LRBA: variants seen among roughly 807,000 people sequenced by gnomAD.
The protein encoded by LRBA is lipopolysaccharide-responsive and beige-like anchor protein.
In LRBA, 176 loss-of-function variants were observed where a neutral mutation model predicts 330.0. The ratio of observed to expected loss-of-function variants is 0.53; its 90% CI spans 0.47 to 0.60. The LOEUF (loss-of-function observed/expected upper bound fraction) is 0.60. LRBA is among the 20% of genes least tolerant of loss of function. LRBA has a pLI of 0.00. For missense variants in LRBA, 3,259 were observed against 3,444.8 expected (o/e 0.95, Z 1.35); for synonymous variants, 1,230 against 1,193.0 (o/e 1.03, Z -0.64).
intron 47 of LRBA, among the ~76,000 whole-genome samples, chr4:150,402,268 CAAA>C (rs72235117): frequency 7.3e-6 from 1 of 137,584 alleles, no homozygotes; most frequent in African/African-American, 2.8e-5. Flanking sequence ...AGCAGTAGAC[CAAA>C]AAAAAAAAAG....
At chr4:150,978,981 GATA>G (rs1740533326) in intron 2 of LRBA, among the ~76,000 whole-genome samples, 1 of 152,110 alleles carries the variant, frequency 6.6e-6, no homozygotes, top group Non-Finnish European at 1.5e-5. Context: ...TATTCAAAGG[GATA>G]ATAACAGAGA....
chr4:150,868,251 C>A lies in LRBA; in HGVS notation c.2504G>T (p.Ser835Ile). ...AAGAAAGGCTCTGCGAACCTCCATGCTCTCTGGGCACTGGGGAGAATTTCG... is the reference window on the plus strand; with the variant it reads ...AAGAAAGGCTCTGCGAACCTCCATGATCTCTGGGCACTGGGGAGAATTTCG... ...LLRNSPQCPESMEVRRAFLSD... is the reference protein window; with the variant it reads ...LLRNSPQCPEIMEVRRAFLSD... Residue 835 changes from serine (S) to isoleucine (I), a missense_variant, in exon 21 of 57, where the codon AGC becomes ATC. Physicochemically the swap from Ser to Ile is moderately radical, Grantham distance 142. Coordinates refer to ENST00000651943, the MANE Select transcript of LRBA (RefSeq NM_001364905.1). The A allele has an allele frequency of 1.2e-6, 2 of 1,612,380 alleles. No individual in the cohort carries two copies. Among genetic ancestry groups the A allele is most frequent in the Admixed American group, 1.7e-5 (1 of 59,988 alleles).
intron 37 of LRBA, among the ~76,000 whole-genome samples, chr4:150,641,587 T>C (rs1252466494): frequency 6.6e-6 from 1 of 152,016 alleles, no homozygotes; most frequent in Non-Finnish European, 1.5e-5. Context: ...GCCTATTTTC[T>C]TTTTTTTCTT....
chr4:150,482,251 T>C (rs906336765), intron 42 of LRBA, among the ~76,000 whole-genome samples: 1 of 152,128 alleles, frequency 6.6e-6, no homozygotes, highest in African/African-American at 2.4e-5. Context: ...CTAACAGCTA[T>C]GCTTTTTCCA....
Position 150,996,486 on chromosome 4 carries a change from C to A in LRBA, c.216+17941G>T, listed in dbSNP as rs576670662. On this transcript the variant is annotated intron_variant, in intron 2 of 56. Transcript: ENST00000651943. ...CCTAAATATTAAAGAGTTGGTCATTCCATTTTTTCCTGATTAGCAAAATAA... is the reference window on the plus strand; with the variant it reads ...CCTAAATATTAAAGAGTTGGTCATTACATTTTTTCCTGATTAGCAAAATAA... 2.0e-5 allele frequency among the ~76,000 whole-genome samples: 3 copies of A among 152,174 alleles called. No individual in the cohort carries two copies. The East Asian group carries it at 5.8e-4, about 29-fold the overall frequency.
chr4:150,732,010 T>TA (rs1730521258), intron 36 of LRBA, among the ~76,000 whole-genome samples: 1 of 152,056 alleles, frequency 6.6e-6, no homozygotes, highest in Admixed American at 6.6e-5. Context: ...AAAGAAATAA[T>TA]AAAAAATCAA....
chr4:150,395,883 T>A (rs1744668695), intron 47 of LRBA, among the ~76,000 whole-genome samples: 1 of 152,136 alleles, frequency 6.6e-6, no homozygotes, highest in South Asian at 2.1e-4. Flanking sequence ...AAACCAACAA[T>A]CTTTCAGTAC....
intron 33 of LRBA, among the ~76,000 whole-genome samples, chr4:150,798,365 T>A (rs965325239): frequency 1.3e-5 from 2 of 152,206 alleles, no homozygotes; most frequent in Non-Finnish European, 2.9e-5. Context: ...TACTAAAACA[T>A]TTATTACAAC....
At chr4:150,954,696 T>C (rs1579310764) in intron 2 of LRBA, among the ~76,000 whole-genome samples, 1 of 148,036 alleles carries the variant, frequency 6.8e-6, no homozygotes, top group Non-Finnish European at 1.5e-5. Flanking sequence ...CTGCTGACCT[T>C]CCCTCCACTA....
chr4:150,422,532 C>A lies in LRBA; in HGVS notation c.7042-6942G>T, dbSNP rs183307707. On this transcript the variant is annotated intron_variant, in intron 46 of 56. Coordinates refer to ENST00000651943, the MANE Select transcript of LRBA (RefSeq NM_001364905.1). Reference sequence around the variant, plus strand: ...GGAGATGAACATTATAATACTGGCACTCCTGACCCACACTATCCTCTGCAC... The same window carrying A: ...GGAGATGAACATTATAATACTGGCAATCCTGACCCACACTATCCTCTGCAC... 386 of 433,920 alleles carry A rather than the reference C, an allele frequency of 8.9e-4. 2 individuals carry two copies. The highest frequency in any genetic ancestry group is 7.3e-3 in the African/African-American group (367 of 50,266). 26.9% of individuals were successfully genotyped at this position (433,920 alleles called of 1,614,324 possible). A position where few individuals can be genotyped will look rare whatever the true frequency, so the allele number is the denominator to read the frequency against.
chr4:150,948,867 A>C (rs1736512957), intron 2 of LRBA, among the ~76,000 whole-genome samples: 1 of 151,998 alleles, frequency 6.6e-6, no homozygotes, highest in Admixed American at 6.5e-5. Flanking sequence ...CATTAAAGAA[A>C]TGCAAATTAA....
intron 37 of LRBA, among the ~76,000 whole-genome samples, chr4:150,682,388 T>C (rs1210797587): frequency 6.6e-6 from 1 of 152,166 alleles, no homozygotes; most frequent in East Asian, 1.9e-4. Flanking sequence ...TCAACTGAAA[T>C]AACATTAAAA....
At chr4:150,805,597 A>AG (rs1742650156) in intron 33 of LRBA, among the ~76,000 whole-genome samples, 1 of 135,722 alleles carries the variant, frequency 7.4e-6, no homozygotes, top group Non-Finnish European at 1.5e-5. Flanking sequence ...AAAGGAAAGG[A>AG]AAGGAAAAGA....
intron 2 of LRBA, among the ~76,000 whole-genome samples, chr4:150,984,834 A>G (rs1299551354): frequency 3.3e-5 from 5 of 152,260 alleles, no homozygotes; most frequent in South Asian, 2.1e-4. Context: ...GAAAAAAGTA[A>G]ATGGAATTAT....
chr4:150,848,892 G>A lies in LRBA; in HGVS notation c.4265C>T (p.Ser1422Phe). ...AGCTTCAATTTCAGTAAAGCCAAGA[G>A]AACTTGCAAATATAAGCACATCCAC... ...SLVDVLIFAS[S>F]LGFTEIEAEK... The change falls in exon 26 of 57, where the codon TCT becomes TTT. Residue 1422 changes from serine (S) to phenylalanine (F), a missense_variant. By Grantham distance (155) the Ser-to-Phe change is radical. Transcript: ENST00000651943. 1 of 1,613,226 alleles carries A rather than the reference G, an allele frequency of 6.2e-7. No individual in the cohort carries two copies.
chr4:150,726,778 C>T lies in LRBA; in HGVS notation c.5754+8480G>A, dbSNP rs564050555. On this transcript the variant is annotated intron_variant, in intron 36 of 56. Transcript: ENST00000651943. ...CTTGACACATGGGGATCATAGGTCC[C>T]TCCCTCAACACGTGGGGATTACAAT... 2.5e-3 allele frequency among the ~76,000 whole-genome samples: 381 copies of T among 152,188 alleles called. 1 individual carries two copies. The highest frequency in any genetic ancestry group is 4.6e-3 in the Admixed American group (70 of 15,288).
rs528270712 is a variant in LRBA, at chr4:150,534,991, T to C, written c.6331-43956A>G. 3.3e-5 allele frequency among the ~76,000 whole-genome samples: 5 copies of C among 152,358 alleles called. No individual in the cohort carries two copies. The South Asian group carries it at 1.0e-3, about 32-fold the overall frequency. ...TTCTTTTTAAAATCATTATTTCACA[T>C]AATTAATGTTAAACAGCAATATATA... On this transcript the variant is annotated intron_variant, in intron 40 of 56. Transcript: ENST00000651943.
chr4:150,849,376 A>G, intron 25 of LRBA, 46 bp downstream of exon 25: 1 of 1,579,102 alleles, frequency 6.3e-7, no homozygotes, highest in Non-Finnish European at 8.7e-7. Flanking sequence ...AAGTTGCATA[A>G]CACTCATGTT....
intron 37 of LRBA, among the ~76,000 whole-genome samples, chr4:150,602,186 A>G (rs997776966): frequency 2.6e-5 from 4 of 152,184 alleles, no homozygotes; most frequent in Admixed American, 6.5e-5. Flanking sequence ...CAGATCACAT[A>G]TCTAGAAAGA....
Sources: gnomAD v4.1 joint callset for allele counts (sites outside exome capture counted in the v4.1 genomes callset) on GRCh38, gnomAD v4.1.1 for gene constraint, MANE v1.5 for transcripts, NCBI Gene and HGNC (gene_info 2026-07-23, HGNC 2026-07-21) for gene names.